The following SPDYE5 variants were observed in gnomAD, a reference collection of about 807,000 sequenced individuals.
SPDYE5 encodes speedy/RINGO cell cycle regulator family member E5.
Under a neutral mutation model 48.5 loss-of-function variants are expected in SPDYE5, and 15 were observed. The ratio of observed to expected loss-of-function variants is 0.31; its 90% CI spans 0.21 to 0.48. The LOEUF (loss-of-function observed/expected upper bound fraction) is 0.48. SPDYE5 is among the 20% of genes least tolerant of loss of function. SPDYE5 has a pLI of 0.99. For missense variants in SPDYE5, 331 were observed against 549.1 expected (o/e 0.60, Z 3.97); for synonymous variants, 116 against 200.7 (o/e 0.58, Z 3.57).
rs1281950362 is a variant in SPDYE5, at chr7:75,504,141, A to G, written c.*1354A>G. The G allele has an allele frequency of 2.0e-5, 3 of 152,222 alleles. No homozygotes were observed. Among genetic ancestry groups the G allele is most frequent in the African/African-American group, 4.8e-5 (2 of 41,462 alleles). The allele number at this position is 152,222 out of a possible 1,614,324, so 9.4% of individuals were successfully genotyped here. A position where few individuals can be genotyped will look rare whatever the true frequency, so the allele number is the denominator to read the frequency against. On this transcript the variant is annotated 3_prime_UTR_variant, in exon 9 of 9. Coordinates refer to ENST00000625065, the MANE Select transcript of SPDYE5 (RefSeq NM_001306141.4). ...ATTTGATATTTCATATATGTTTGAA[A>G]TGTGAGAATTCAGGTGTAATTTTTT... is the stretch of plus-strand genomic sequence containing the variant.
chr7:75,499,761 T>C (rs1793073539), intron 6 of SPDYE5, among the ~76,000 whole-genome samples: 1 of 97,128 alleles, frequency 1.0e-5, no homozygotes, highest in Non-Finnish European at 2.1e-5. Flanking sequence ...AGTGAGACTT[T>C]TTCTCAAAAA....
intron 6 of SPDYE5, among the ~76,000 whole-genome samples, chr7:75,499,905 T>C (rs1554483169): frequency 7.2e-6 from 1 of 139,520 alleles, no homozygotes; most frequent in Non-Finnish European, 1.6e-5. Context: ...ACATGCCGCT[T>C]CCTCCAGCAA....
intron 1 of SPDYE5, among the ~76,000 whole-genome samples, chr7:75,492,670 G>C (rs3973271): frequency 2.0e-5 from 3 of 152,150 alleles, no homozygotes; most frequent in East Asian, 3.9e-4. Flanking sequence ...AACTCCTGAC[G>C]TCAAGTGATC....
chr7:75,503,098 C>G lies in SPDYE5; in HGVS notation c.*311C>G. Reference sequence around the variant, plus strand: ...CCACCCTTTCCTGCAGCACCACCACCCTTTCTATATTGCTGAATTCCAACC... The same window carrying G: ...CCACCCTTTCCTGCAGCACCACCACGCTTTCTATATTGCTGAATTCCAACC... On this transcript the variant is annotated 3_prime_UTR_variant, in exon 9 of 9. Coordinates refer to ENST00000625065, the MANE Select transcript of SPDYE5 (RefSeq NM_001306141.4). 1 of 521,460 alleles carries G rather than the reference C, an allele frequency of 1.9e-6. No homozygotes were observed. The highest frequency in any genetic ancestry group is 3.6e-6 in the Non-Finnish European group (1 of 278,628). The allele number at this position is 521,460 out of a possible 1,614,324, so 32.3% of individuals were successfully genotyped here. A position where few individuals can be genotyped will look rare whatever the true frequency, so the allele number is the denominator to read the frequency against.
chr7:75,498,084 C>T, intron 5 of SPDYE5, 88 bp downstream of exon 5: 1 of 1,357,584 alleles, frequency 7.4e-7, no homozygotes, highest in Non-Finnish European at 1.0e-6. Context: ...CTCCCTCCAC[C>T]ACCTCCCACC....
chr7:75,502,818 C>G lies in SPDYE5; in HGVS notation c.*46-15C>G, dbSNP rs1255130085. 1 of 988,600 alleles carries G rather than the reference C, an allele frequency of 1.0e-6. No individual in the cohort carries two copies. Among genetic ancestry groups the G allele is most frequent in the Non-Finnish European group, 1.3e-6 (1 of 756,320 alleles). 61.2% of individuals were successfully genotyped at this position (988,600 alleles called of 1,614,324 possible). ...CTGCCTCCTTGAAGTGTGACATTGT[C>G]TCTCTCACTTCCAGAACACCGGACC... On this transcript the variant is annotated splice_polypyrimidine_tract_variant and intron_variant, in intron 8 of 8. Coordinates refer to ENST00000625065, the MANE Select transcript of SPDYE5 (RefSeq NM_001306141.4).
intron 6 of SPDYE5, among the ~76,000 whole-genome samples, chr7:75,500,897 G>C (rs1460184849): frequency 2.0e-5 from 3 of 152,056 alleles, no homozygotes; most frequent in Non-Finnish European, 4.4e-5. Context: ...TAGTAGAGAT[G>C]GGGTTTCTCC....
At chr7:75,501,777 G>A (rs1793168733) in intron 7 of SPDYE5, 22 bp downstream of exon 7, 1 of 1,571,772 alleles carries the variant, frequency 6.4e-7, no homozygotes, top group South Asian at 1.1e-5. Flanking sequence ...CTGGGGAGGT[G>A]GAGGAGGTGG....
rs200969398 is a variant in SPDYE5 at position 75,501,797 on chromosome 7, G to A, written c.1149+42G>A. On this transcript the variant is annotated intron_variant, in intron 7 of 8. Transcript: ENST00000625065. ...GAGGTGGAGGAGGTGGGGAGGAATCGGGTGGGCTGGAGGCTGGATGAGGGG... is the reference window on the plus strand; with the variant it reads ...GAGGTGGAGGAGGTGGGGAGGAATCAGGTGGGCTGGAGGCTGGATGAGGGG... 1.2e-3 allele frequency: 1,917 copies of A among 1,612,304 alleles called. 2 individuals are homozygous for A. Among genetic ancestry groups the A allele is most frequent in the Non-Finnish European group, 1.5e-3 (1,719 of 1,179,940 alleles).
intron 6 of SPDYE5, among the ~76,000 whole-genome samples, chr7:75,500,644 C>T (rs1465602836): frequency 1.3e-5 from 2 of 151,750 alleles, no homozygotes; most frequent in Non-Finnish European, 2.9e-5. Context: ...AGCGATCCTC[C>T]CACCTCAGCT....
At chr7:75,497,151 G>A (rs1440951616) in intron 4 of SPDYE5, among the ~76,000 whole-genome samples, 3 of 152,148 alleles carry the variant, frequency 2.0e-5, no homozygotes, top group Non-Finnish European at 4.4e-5. Flanking sequence ...TCCTGCCTGA[G>A]ATCCCAGCAT....
At position 75,495,183 on chromosome 7, in the gene SPDYE5, G is replaced by T; in HGVS notation, c.188G>T (p.Cys63Phe). ...CCTGGGGTAGATCCCAGCCCCCCATGTAGGTCCCTTGGCTGGAAAAGGAAG... is the reference window on the plus strand; with the variant it reads ...CCTGGGGTAGATCCCAGCCCCCCATTTAGGTCCCTTGGCTGGAAAAGGAAG... ...SAPGVDPSPPCRSLGWKRKRE... is the reference protein window; with the variant it reads ...SAPGVDPSPPFRSLGWKRKRE... Residue 63 changes from cysteine (C) to phenylalanine (F), a missense_variant, in exon 3 of 9, where the codon TGT becomes TTT. Transcript: ENST00000625065. 1 of 1,597,418 alleles carries T rather than the reference G, an allele frequency of 6.3e-7. No homozygotes were observed. The highest frequency in any genetic ancestry group is 2.3e-4 in the Middle Eastern group (1 of 4,434).
rs781868230 is a variant in SPDYE5 at position 75,494,194 on chromosome 7, G to A, written c.147G>A (p.Val49=). The change falls in exon 2 of 9, where the codon GTG becomes GTA. Residue 49 remains valine, a synonymous_variant. Coordinates refer to ENST00000625065, the MANE Select transcript of SPDYE5 (RefSeq NM_001306141.4). ...YPLQEVVDDE[V]LGPSAPGVDP... is the part of the protein sequence containing the mutation. ...TCCAGGAGGTGGTGGATGATGAAGT[G>A]TTGGGACCATCAGGTGAGGGGACTG... The A allele has an allele frequency of 6.5e-7, 1 of 1,534,962 alleles. No homozygotes were observed. Among genetic ancestry groups the A allele is most frequent in the Non-Finnish European group, 8.7e-7 (1 of 1,146,654 alleles).
chr7:75,497,681 G>C (rs1310865124), intron 4 of SPDYE5, among the ~76,000 whole-genome samples: 2 of 140,758 alleles, frequency 1.4e-5, no homozygotes, highest in African/African-American at 5.0e-5. Context: ...TGCTGGAGGG[G>C]GTCCTGGTTG....
In SPDYE5 at chr7:75,501,140, C is replaced by T. The variant is rs1448310115; in HGVS notation, c.756-222C>T. ...GATTCCAGGCATAAGCCACCACTCTCGGCCACCAGTTGGGTTTTTGTCTCC... is the reference window on the plus strand; with the variant it reads ...GATTCCAGGCATAAGCCACCACTCTTGGCCACCAGTTGGGTTTTTGTCTCC... On this transcript the variant is annotated intron_variant, in intron 6 of 8. Transcript: ENST00000625065. Among the ~76,000 whole-genome samples the T allele has an allele frequency of 6.4e-4, 97 of 152,302 alleles. 1 individual carries two copies. Among genetic ancestry groups the T allele is most frequent in the Admixed American group, 3.3e-4 (5 of 15,308 alleles).
At chr7:75,497,392 C>T (rs1417611734) in intron 4 of SPDYE5, among the ~76,000 whole-genome samples, 6 of 150,820 alleles carry the variant, frequency 4.0e-5, no homozygotes, top group Non-Finnish European at 7.4e-5. Context: ...AAGATCAGGC[C>T]ACTGCATTCC....
At chr7:75,502,058 T>C (rs1554483684) in intron 8 of SPDYE5, 76 bp downstream of exon 8, 6 of 1,485,420 alleles carry the variant, frequency 4.0e-6, no homozygotes, top group African/African-American at 1.4e-5. Flanking sequence ...AATTGCTTGA[T>C]CCGGCTTCAA....
At chr7:75,502,645 A>T (rs587753562) in intron 8 of SPDYE5, among the ~76,000 whole-genome samples, 188 bp from the exon 9 acceptor site, 1 of 145,400 alleles carries the variant, frequency 6.9e-6, no homozygotes, top group East Asian at 1.9e-4. Flanking sequence ...TGAGTTTTGG[A>T]GTCGTCACCA....
chr7:75,498,849 TG>T (rs587765071), intron 5 of SPDYE5, among the ~76,000 whole-genome samples: 840 of 151,694 alleles, frequency 5.5e-3, no homozygotes, highest in African/African-American at 0.019. Context: ...ATGGGTCCTT[TG>T]GGATCTGAGC....
Sources: allele counts gnomAD v4.1 joint callset (sites outside exome capture counted in the v4.1 genomes callset), GRCh38; gene constraint gnomAD v4.1.1; transcripts MANE v1.5; gene names NCBI Gene and HGNC (gene_info 2026-07-23, HGNC 2026-07-21).